AGBL1: variants seen among roughly 807,000 people sequenced by gnomAD.
The protein encoded by AGBL1 is cytosolic carboxypeptidase 4.
Under a neutral mutation model 118.9 loss-of-function variants are expected in AGBL1, and 130 were observed. The observed-to-expected ratio is 1.09, with a 90% CI of 0.95 to 1.26. The LOEUF (loss-of-function observed/expected upper bound fraction) is 1.26. AGBL1 is among the 50% of genes most tolerant of loss of function. AGBL1 has a pLI of 0.00. For missense variants in AGBL1, 1,584 were observed against 1,298.1 expected, an observed-to-expected ratio of 1.22 and a Z score of -3.38; for synonymous variants, 555 against 478.9, an observed-to-expected ratio of 1.16 and a Z score of -2.08.
At chr15:86,870,778 C>G (rs2141503451) in intron 22 of AGBL1, among the ~76,000 whole-genome samples, 1 of 152,246 alleles carries the variant, frequency 6.6e-6, no homozygotes, top group East Asian at 1.9e-4. Flanking sequence ...CTTGCTGGTG[C>G]TGTCTATACT....
intron 6 of AGBL1, among the ~76,000 whole-genome samples, chr15:86,247,423 G>A (rs1238991513): frequency 6.6e-6 from 1 of 152,158 alleles, no homozygotes; most frequent in African/African-American, 2.4e-5. Context: ...TTCTTGGCAG[G>A]AACACTATAG....
chr15:87,002,134 C>A (rs1186098366), intron 24 of AGBL1, among the ~76,000 whole-genome samples: 1 of 151,980 alleles, frequency 6.6e-6, no homozygotes, highest in African/African-American at 2.4e-5. Context: ...AGTCTTTAAT[C>A]CATCTTGAAT....
chr15:86,926,814 G>A (rs1596642273), intron 23 of AGBL1, among the ~76,000 whole-genome samples: 1 of 152,270 alleles, frequency 6.6e-6, no homozygotes, highest in African/African-American at 2.4e-5. Flanking sequence ...AGCAGGAGTT[G>A]TACTTTTAGA....
intron 22 of AGBL1, among the ~76,000 whole-genome samples, chr15:86,803,401 A>G (rs561686537): frequency 5.3e-5 from 8 of 152,150 alleles, no homozygotes; most frequent in Non-Finnish European, 1.0e-4. Context: ...CTCCCCAGCC[A>G]TGTGGAAGTG....
intron 21 of AGBL1, among the ~76,000 whole-genome samples, chr15:86,614,308 T>G (rs1271684811): frequency 6.6e-6 from 1 of 152,218 alleles, no homozygotes; most frequent in African/African-American, 2.4e-5. Flanking sequence ...CTTCCAGCCC[T>G]GCTCTTTTCT....
At chr15:86,675,572 AACC>A (rs2085827304) in intron 22 of AGBL1, among the ~76,000 whole-genome samples, 2 of 152,048 alleles carry the variant, frequency 1.3e-5, no homozygotes, top group Admixed American at 6.5e-5. Context: ...TTGACATCAC[AACC>A]ACTTCTGCCT....
At chr15:86,674,467 T>C in intron 22 of AGBL1, 31 bp downstream of exon 22, 1 of 1,582,722 alleles carries the variant, frequency 6.3e-7, no homozygotes. Context: ...CAGAGAAATT[T>C]GGACCTTGGT....
At chr15:86,919,602 A>ACG (rs1463005176), downstream of AGBL1, among the ~76,000 whole-genome samples, 2 of 124,012 alleles carry the variant, frequency 1.6e-5, no homozygotes, top group South Asian at 2.8e-4. Flanking sequence ...ACACACACAC[A>ACG]CACACACACA....
chr15:86,424,425 C>T (rs185380003), intron 18 of AGBL1, among the ~76,000 whole-genome samples: 23 of 152,206 alleles, frequency 1.5e-4, no homozygotes, highest in African/African-American at 4.8e-4. Context: ...GACCTAAAAC[C>T]ATAAAAACCC....
chr15:86,318,405 A>T (rs528423181), intron 17 of AGBL1, among the ~76,000 whole-genome samples: 51 of 146,492 alleles, frequency 3.5e-4, no homozygotes, highest in Middle Eastern at 3.4e-3. Flanking sequence ...AATATTTCAT[A>T]AAAAAAACTT....
In AGBL1 at chr15:86,236,942, C is replaced by G. The variant is rs28582969; in HGVS notation, c.527-10729C>G. 3.7e-3 allele frequency among the ~76,000 whole-genome samples: 160 copies of G among 42,968 alleles called. 1 individual carries two copies. Among genetic ancestry groups the G allele is most frequent in the African/African-American group, 7.7e-3 (36 of 4,688 alleles). The allele number at this position is 42,968 out of a possible 152,430, so 28.2% of individuals were successfully genotyped here. On this transcript the variant is annotated intron_variant, in intron 6 of 22. Coordinates refer to ENST00000614907, the MANE Select transcript of AGBL1 (RefSeq NM_001386094.1). ...ACGGGGATATGTGGGCGGGGGGGGGCGGGGGGGGGCGGGGGGGCGCCAAGT... is the reference window on the plus strand; with the variant it reads ...ACGGGGATATGTGGGCGGGGGGGGGGGGGGGGGGGCGGGGGGGCGCCAAGT...
In AGBL1 at chr15:86,295,391, A is replaced by G. The variant is rs1490107276; in HGVS notation, c.2357A>G (p.Glu786Gly). Residue 786 changes from glutamate to glycine, a missense_variant, in exon 17 of 23, where the codon GAG becomes GGG. Physicochemically the swap from Glu to Gly is moderately conservative, Grantham distance 98. Transcript: ENST00000614907. Reference sequence around the variant, plus strand: ...GCCATGCCTGAGTCCAACAGTGATGAGCATCTAGAGCAGTTCCGTGAGTAA... The same window carrying G: ...GCCATGCCTGAGTCCAACAGTGATGGGCATCTAGAGCAGTTCCGTGAGTAA... ...ITAMPESNSD[E>G]HLEQFRHRPY... is the part of the protein sequence containing the mutation. The G allele has an allele frequency of 1.3e-6, 2 of 1,581,710 alleles. No individual in the cohort carries two copies. Among genetic ancestry groups the G allele is most frequent in the Admixed American group, 3.7e-5 (2 of 54,474 alleles).
At chr15:87,031,228 T>TA (rs1204131545), downstream of AGBL1, among the ~76,000 whole-genome samples, 2 of 151,964 alleles carry the variant, frequency 1.3e-5, no homozygotes, top group African/African-American at 4.8e-5. Context: ...TTTTTTTCCT[T>TA]AATTTTTTTA....
intron 22 of AGBL1, among the ~76,000 whole-genome samples, chr15:86,851,418 T>C (rs974179748): frequency 2.0e-5 from 3 of 152,102 alleles, no homozygotes; most frequent in African/African-American, 7.2e-5. Flanking sequence ...GAAAGGTCCA[T>C]CACCTGGTCA....
chr15:86,385,392 TG>T (rs1349180571), intron 17 of AGBL1, among the ~76,000 whole-genome samples: 2 of 152,216 alleles, frequency 1.3e-5, no homozygotes, highest in African/African-American at 4.8e-5. Flanking sequence ...TGGCACCATC[TG>T]GGGGCTTGGT....
At chr15:86,469,192 T>C (rs1295959452) in intron 18 of AGBL1, among the ~76,000 whole-genome samples, 1 of 152,190 alleles carries the variant, frequency 6.6e-6, no homozygotes, top group Non-Finnish European at 1.5e-5. Flanking sequence ...TCATACTGTC[T>C]AACTGAAACT....
At chr15:86,142,117 T>C (rs539165380) in intron 2 of AGBL1, 50 bp downstream of exon 2, 9 of 1,535,450 alleles carry the variant, frequency 5.9e-6, no homozygotes, top group African/African-American at 1.4e-5. Flanking sequence ...TGGAGCCTGC[T>C]GGCTGTGATC....
intron 6 of AGBL1, among the ~76,000 whole-genome samples, chr15:86,236,952 C>CGGGTG (rs2078559357): frequency 3.9e-4 from 4 of 10,314 alleles, no homozygotes; most frequent in Non-Finnish European, 5.4e-4. Context: ...CGGGGGGGGG[C>CGGGTG]GGGGGGGCGC....
At chr15:86,212,507 C>G (rs2078115599) in intron 5 of AGBL1, among the ~76,000 whole-genome samples, 1 of 152,136 alleles carries the variant, frequency 6.6e-6, no homozygotes, top group Non-Finnish European at 1.5e-5. Context: ...CCCTTTCAAC[C>G]TTGGGGTGAA....
Sources: gnomAD v4.1 joint callset for allele counts (sites outside exome capture counted in the v4.1 genomes callset) on GRCh38, gnomAD v4.1.1 for gene constraint, MANE v1.5 for transcripts, NCBI Gene and HGNC (gene_info 2026-07-23, HGNC 2026-07-21) for gene names.